NXPE1: variants seen among roughly 807,000 people sequenced by gnomAD.
NXPE1 encodes NXPE family member 1.
Under a neutral mutation model 33.3 loss-of-function variants are expected in NXPE1, and 31 were observed. That is an observed-to-expected ratio of 0.93 (90% CI 0.70 to 1.26). The LOEUF (loss-of-function observed/expected upper bound fraction) is 1.26. NXPE1 is among the 50% of genes most tolerant of loss of function. The pLI is 0.00. For missense variants in NXPE1, 661 were observed against 655.6 expected (o/e 1.01, Z -0.09); for synonymous variants, 229 against 231.4 (o/e 0.99, Z 0.09).
exon 8 of NXPE1, chr11:114,523,084 T>C: frequency 1.2e-6 from 2 of 1,611,800 alleles, no homozygotes; most frequent in Non-Finnish European, 1.7e-6. Flanking sequence ...CTTCTATTTT[T>C]TCTCTCTCTG....
chr11:114,524,443 A>C (rs1253114039), intron 7 of NXPE1, among the ~76,000 whole-genome samples: 4 of 152,222 alleles, frequency 2.6e-5, no homozygotes, highest in East Asian at 1.9e-4. Context: ...ACCTATGGAC[A>C]AAGTGGTAAA....
intron 5 of NXPE1, among the ~76,000 whole-genome samples, chr11:114,534,976 T>C (rs1053550168): frequency 2.0e-5 from 3 of 152,216 alleles, no homozygotes; most frequent in Non-Finnish European, 4.4e-5. Context: ...CGACACATAA[T>C]TGTCAAATTC....
At chr11:114,529,079 A>AT (rs1306431553) in intron 6 of NXPE1, 42 of 357,752 alleles carry the variant, frequency 1.2e-4, no homozygotes, top group East Asian at 2.0e-4. Flanking sequence ...CTCTTAGCAT[A>AT]TTTTTTTTGA....
At chr11:114,525,406 A>G (rs1165816523) in intron 7 of NXPE1, among the ~76,000 whole-genome samples, 1 of 152,056 alleles carries the variant, frequency 6.6e-6, no homozygotes, top group African/African-American at 2.4e-5. Flanking sequence ...TTCCTGTACT[A>G]GGCTGACCCA....
At chr11:114,523,001 A>G (rs1947261575) in exon 8 of NXPE1, 1 of 1,613,700 alleles carries the variant, frequency 6.2e-7, no homozygotes, top group African/African-American at 1.3e-5. Context: ...CTGGTTGCAA[A>G]ATGTTGTTAT....
chr11:114,521,085 G>A (rs11215033), downstream of NXPE1, among the ~76,000 whole-genome samples: 24,672 of 152,030 alleles, frequency 0.16, 2,242 homozygotes, highest in South Asian at 0.23. Flanking sequence ...TAATTCTGTC[G>A]TTCTTTCTGT....
chr11:114,534,374 G>A (rs1947711782), intron 5 of NXPE1, among the ~76,000 whole-genome samples: 1 of 152,196 alleles, frequency 6.6e-6, no homozygotes, highest in Non-Finnish European at 1.5e-5. Flanking sequence ...AAAAATCAGA[G>A]CGCCTCTTCT....
chr11:114,525,316 G>A (rs942827863), intron 7 of NXPE1, among the ~76,000 whole-genome samples: 1 of 151,746 alleles, frequency 6.6e-6, no homozygotes, highest in African/African-American at 2.4e-5. Flanking sequence ...GAGACTAATA[G>A]TCCCCCAAAG....
At chr11:114,550,918 A>T (rs1948457617) in intron 5 of NXPE1, among the ~76,000 whole-genome samples, 185 bp downstream of exon 5, 1 of 152,124 alleles carries the variant, frequency 6.6e-6, no homozygotes, top group Non-Finnish European at 1.5e-5. Flanking sequence ...GATGAATGGG[A>T]AATGAAGAAA....
At chr11:114,556,660 G>A (rs1948654847) in intron 1 of NXPE1, among the ~76,000 whole-genome samples, 2 of 151,646 alleles carry the variant, frequency 1.3e-5, no homozygotes, top group Admixed American at 1.3e-4. Context: ...GCCAGTTTTT[G>A]GCCTTTTTCT....
chr11:114,519,265 T>A (rs1024022300), downstream of NXPE1, among the ~76,000 whole-genome samples: 1 of 152,220 alleles, frequency 6.6e-6, no homozygotes, highest in African/African-American at 2.4e-5. Flanking sequence ...CCCACTGAAT[T>A]CGTATTAATA....
intron 6 of NXPE1, chr11:114,529,194 C>A (rs1352859589): frequency 1.1e-5 from 2 of 178,358 alleles, no homozygotes; most frequent in African/African-American, 2.3e-5. Context: ...AAAAATAAAT[C>A]TTCGTGGGGG....
chr11:114,544,759 G>T lies in NXPE1; in HGVS notation c.99+6344C>A, dbSNP rs143317711. Among the ~76,000 whole-genome samples the T allele has an allele frequency of 2.3e-3, 357 of 152,256 alleles. 16 individuals are homozygous for T. In the East Asian group the frequency reaches 0.055, roughly 23 times the overall value. Reference sequence around the variant, plus strand: ...AAATTAAAGCTTCTGCCCTGTGAAAGACACTGTTAAGAGGATGCAGAGATA... The same window carrying T: ...AAATTAAAGCTTCTGCCCTGTGAAATACACTGTTAAGAGGATGCAGAGATA... On this transcript the variant is annotated intron_variant, in intron 5 of 8. Transcript: ENST00000534921.
chr11:114,530,879 A>G (rs777215454), exon 6 of NXPE1: 27 of 1,612,668 alleles, frequency 1.7e-5, no homozygotes, highest in South Asian at 5.5e-5. Context: ...AGTAATGGAC[A>G]GAGATGGATA....
At chr11:114,549,873 A>C in intron 5 of NXPE1, among the ~76,000 whole-genome samples, 1 of 152,094 alleles carries the variant, frequency 6.6e-6, no homozygotes, top group Non-Finnish European at 1.5e-5. Context: ...AAAAGAATTT[A>C]GTAAAATAGT....
At chr11:114,532,349 C>T (rs919842526) in intron 5 of NXPE1, among the ~76,000 whole-genome samples, 53 of 151,918 alleles carry the variant, frequency 3.5e-4, no homozygotes, top group African/African-American at 1.2e-3. Context: ...CCAAAAGAAC[C>T]TTTTGGTTCT....
At chr11:114,534,329 T>C (rs1468643294) in intron 5 of NXPE1, among the ~76,000 whole-genome samples, 1 of 151,832 alleles carries the variant, frequency 6.6e-6, no homozygotes, top group Non-Finnish European at 1.5e-5. Context: ...ATCACAAAGA[T>C]GGGGAAAAAA....
chr11:114,522,560 A>G (rs1357752123), intron 8 of NXPE1, 57 bp from the exon 9 acceptor site: 11 of 1,389,236 alleles, frequency 7.9e-6, no homozygotes. Context: ...TATTCATGAA[A>G]AAGAATGTCC....
At chr11:114,541,551 G>A (rs1414973028) in intron 5 of NXPE1, among the ~76,000 whole-genome samples, 1 of 152,194 alleles carries the variant, frequency 6.6e-6, no homozygotes, top group African/African-American at 2.4e-5. Flanking sequence ...GAGAACATGT[G>A]CCCAAGGTGG....
Sources: gnomAD v4.1 joint callset for allele counts (sites outside exome capture counted in the v4.1 genomes callset) on GRCh38, gnomAD v4.1.1 for gene constraint, MANE v1.5 for transcripts, NCBI Gene and HGNC (gene_info 2026-07-23, HGNC 2026-07-21) for gene names.